The following PHC3 variants were observed in gnomAD, a reference collection of about 807,000 sequenced individuals.
The protein encoded by PHC3 is polyhomeotic homolog 3.
In PHC3, 13 loss-of-function variants were observed where a neutral mutation model predicts 107.4. That is an observed-to-expected ratio of 0.12 (90% CI 0.08 to 0.19). PHC3 has a LOEUF of 0.19. Among genes scored for constraint, PHC3 ranks in the 10% least tolerant of loss-of-function variants. The pLI is 1.00. For missense variants in PHC3, 992 were observed against 1,210.9 expected (o/e 0.82, Z 2.68); for synonymous variants, 456 against 427.4 (o/e 1.07, Z -0.83).
intron 9 of PHC3, among the ~76,000 whole-genome samples, chr3:170,119,036 TAAAAAAAAAAAA>T (rs1002478959): frequency 1.4e-5 from 1 of 72,670 alleles, no homozygotes; most frequent in Non-Finnish European, 2.9e-5. Flanking sequence ...TATAAAAAGC[TAAAAAAAAAAAA>T]AAAAAAAGAA....
chr3:170,112,352 A>G (rs1006382278), intron 11 of PHC3, among the ~76,000 whole-genome samples: 6 of 151,480 alleles, frequency 4.0e-5, no homozygotes, highest in Non-Finnish European at 5.9e-5. Context: ...CTGGGATTAC[A>G]GGCACACACC....
chr3:170,126,096 T>G (rs757399149), intron 8 of PHC3: 4 of 362,420 alleles, frequency 1.1e-5, no homozygotes, highest in Non-Finnish European at 1.5e-5. Context: ...TTCTTAAGTA[T>G]CTTAAAAAAC....
Position 170,178,946 on chromosome 3 carries a change from G to A in PHC3, c.15-8C>T. The A allele has an allele frequency of 6.2e-7, 1 of 1,608,136 alleles. No homozygotes were observed. Among genetic ancestry groups the A allele is most frequent in the South Asian group, 1.1e-5 (1 of 90,376 alleles). ...GTACTATGGTCCTTAAATCTGGCAG[G>A]TCACACAAAGTGTTTGTATTGGTAA... On this transcript the variant is annotated splice_polypyrimidine_tract_variant and splice_region_variant and intron_variant, in intron 1 of 14. Transcript: ENST00000495893.
intron 1 of PHC3, among the ~76,000 whole-genome samples, chr3:170,179,526 T>C (rs1399949603): frequency 1.3e-5 from 2 of 152,172 alleles, no homozygotes; most frequent in Non-Finnish European, 2.9e-5. Flanking sequence ...CCTTACTACT[T>C]CTAATAGCTG....
At chr3:170,180,323 A>C (rs932953931) in intron 1 of PHC3, among the ~76,000 whole-genome samples, 1 of 152,062 alleles carries the variant, frequency 6.6e-6, no homozygotes, top group Non-Finnish European at 1.5e-5. Flanking sequence ...GTGGCACAGG[A>C]CTGTGGTCCC....
At chr3:170,111,259 GAAGAAGGAAGGA>G (rs1258412802) in intron 11 of PHC3, among the ~76,000 whole-genome samples, 1 of 119,812 alleles carries the variant, frequency 8.3e-6, no homozygotes, top group African/African-American at 3.0e-5. Flanking sequence ...TTTAAAACAA[GAAGAAGGAAGGA>G]AGGAAGGAAG....
chr3:170,104,866 T>C (rs1186297745), intron 12 of PHC3, among the ~76,000 whole-genome samples: 1 of 152,216 alleles, frequency 6.6e-6, no homozygotes, highest in Non-Finnish European at 1.5e-5. Flanking sequence ...CTGATTTCCA[T>C]TTATATCAAC....
intron 6 of PHC3, among the ~76,000 whole-genome samples, chr3:170,141,355 C>A (rs1392135942): frequency 6.6e-6 from 1 of 152,136 alleles, no homozygotes; most frequent in Non-Finnish European, 1.5e-5. Flanking sequence ...TTCCTCTAGC[C>A]CCTCAAAAAT....
Position 170,096,851 on chromosome 3 carries a change from A to C in PHC3, c.*379T>G, listed in dbSNP as rs1302707617. 3.2e-5 allele frequency: 5 copies of C among 156,302 alleles called. No individual in the cohort carries two copies. The Admixed American group carries it at 3.2e-4, about 10-fold the overall frequency. The allele number at this position is 156,302 out of a possible 1,614,324, so 9.7% of individuals were successfully genotyped here. On this transcript the variant is annotated 3_prime_UTR_variant, in exon 15 of 15. Coordinates refer to ENST00000495893, the MANE Select transcript of PHC3 (RefSeq NM_024947.4). ...ACTAATAGGGTAGAAAAAATGTATA[A>C]GAAAATTGAATCAAAAGAGGAGAAA...
chr3:170,171,285 T>C (rs1161210116), intron 4 of PHC3, 88 bp downstream of exon 4: 1 of 940,350 alleles, frequency 1.1e-6, no homozygotes, highest in East Asian at 2.8e-5. Flanking sequence ...CAAATTATAA[T>C]AACAGCTTCA....
chr3:170,118,957 TCACCAAATAATC>T (rs1719597087), intron 9 of PHC3, among the ~76,000 whole-genome samples: 1 of 149,672 alleles, frequency 6.7e-6, no homozygotes, highest in Non-Finnish European at 1.5e-5. Flanking sequence ...TAACCTAGTT[TCACCAAATAATC>T]CACCAAAATA....
In PHC3 at chr3:170,132,524, A is replaced by C. The variant is rs74474638; in HGVS notation, c.920-2972T>G. ...GGTCATAGGGTGGGGCCCTGACATG[A>C]CATGGTTTGTGCCCTTTTAAGAAAA... On this transcript the variant is annotated intron_variant, in intron 7 of 14. Coordinates refer to ENST00000495893, the MANE Select transcript of PHC3 (RefSeq NM_024947.4). 4.7e-3 allele frequency among the ~76,000 whole-genome samples: 720 copies of C among 152,308 alleles called. 6 individuals carry two copies. Among genetic ancestry groups the C allele is most frequent in the African/African-American group, 0.016 (683 of 41,566 alleles).
chr3:170,141,073 G>C (rs1724023882), intron 6 of PHC3, among the ~76,000 whole-genome samples: 1 of 152,096 alleles, frequency 6.6e-6, no homozygotes, highest in African/African-American at 2.4e-5. Flanking sequence ...AAAATTAACT[G>C]TTGTACTGAC....
At chr3:170,156,854 C>T (rs1186040191) in intron 4 of PHC3, among the ~76,000 whole-genome samples, 5 of 152,158 alleles carry the variant, frequency 3.3e-5, no homozygotes, top group Non-Finnish European at 7.3e-5. Flanking sequence ...CTCGGCCTCC[C>T]AAAATGCTGG....
At chr3:170,163,303 C>T (rs1014779447) in intron 4 of PHC3, among the ~76,000 whole-genome samples, 6 of 151,758 alleles carry the variant, frequency 4.0e-5, no homozygotes, top group South Asian at 2.1e-4. Context: ...TACAGTGAGT[C>T]GAAGCCAAAA....
chr3:170,158,979 T>A (rs562860349), intron 4 of PHC3, among the ~76,000 whole-genome samples: 1 of 143,630 alleles, frequency 7.0e-6, no homozygotes, highest in Non-Finnish European at 1.5e-5. Context: ...GGGCCGGGCG[T>A]GGTGGCTCAC....
chr3:170,109,035 C>G (rs1300916533), intron 11 of PHC3, among the ~76,000 whole-genome samples: 1 of 152,086 alleles, frequency 6.6e-6, no homozygotes, highest in Non-Finnish European at 1.5e-5. Context: ...TTAACAGATT[C>G]AAAAATTCTT....
intron 3 of PHC3, among the ~76,000 whole-genome samples, chr3:170,171,994 T>C (rs902433402): frequency 7.9e-5 from 12 of 152,286 alleles, no homozygotes; most frequent in Non-Finnish European, 1.3e-4. Flanking sequence ...AAAACAAGCA[T>C]TTAATAATGA....
At chr3:170,101,970 T>C (rs915854358) in intron 14 of PHC3, among the ~76,000 whole-genome samples, 21 of 152,304 alleles carry the variant, frequency 1.4e-4, no homozygotes, top group Non-Finnish European at 2.5e-4. Flanking sequence ...AGAATGTACC[T>C]TCTTTTAAAA....
Sources: gnomAD v4.1 joint callset for allele counts (sites outside exome capture counted in the v4.1 genomes callset) on GRCh38, gnomAD v4.1.1 for gene constraint, MANE v1.5 for transcripts, NCBI Gene and HGNC (gene_info 2026-07-23, HGNC 2026-07-21) for gene names.